PLCL1: variants seen among roughly 807,000 people sequenced by gnomAD.
PLCL1 encodes phospholipase C like 1 (inactive).
A neutral mutation model predicts 84.4 loss-of-function variants in PLCL1; 41 were observed. The observed-to-expected ratio is 0.49, with a 90% CI of 0.38 to 0.63. The LOEUF (loss-of-function observed/expected upper bound fraction) is 0.63. PLCL1 is among the 30% of genes least tolerant of loss of function. The probability of loss-of-function intolerance (pLI) is 0.00; values close to 1 mark genes in which losing one functional copy is unlikely to be tolerated. For synonymous variants in PLCL1, 490 were observed against 488.3 expected (o/e 1.00, Z -0.05); for missense variants, 1,206 against 1,367.8 (o/e 0.88, Z 1.87).
At chr2:197,859,610 T>C (rs981969230) in intron 1 of PLCL1, among the ~76,000 whole-genome samples, 8 of 152,100 alleles carry the variant, frequency 5.3e-5, no homozygotes. Flanking sequence ...GCTGAAAAAT[T>C]TCTATGGTCT....
chr2:197,842,344 G>A (rs188971718), intron 1 of PLCL1, among the ~76,000 whole-genome samples: 3 of 152,158 alleles, frequency 2.0e-5, no homozygotes, highest in African/African-American at 7.2e-5. Context: ...CTTCTCTGGA[G>A]GCTGGTGGAC....
chr2:198,103,283 T>G (rs897925249), intron 4 of PLCL1, among the ~76,000 whole-genome samples: 1 of 152,014 alleles, frequency 6.6e-6, no homozygotes, highest in Non-Finnish European at 1.5e-5. Context: ...TATTAAAATT[T>G]TTTTTAATTT....
intron 5 of PLCL1, among the ~76,000 whole-genome samples, chr2:198,109,504 GA>G (rs1405663473): frequency 6.6e-6 from 1 of 151,850 alleles, no homozygotes; most frequent in Non-Finnish European, 1.5e-5. Flanking sequence ...AAGGCTTTCA[GA>G]AAGGGATACT....
intron 1 of PLCL1, among the ~76,000 whole-genome samples, chr2:198,012,305 C>T (rs1690886524): frequency 6.6e-6 from 1 of 152,064 alleles, no homozygotes; most frequent in Non-Finnish European, 1.5e-5. Flanking sequence ...AGGAACAGAG[C>T]CCAAGCTGTT....
intron 1 of PLCL1, among the ~76,000 whole-genome samples, chr2:198,062,362 T>C (rs757498205): frequency 3.3e-5 from 5 of 152,210 alleles, no homozygotes; most frequent in Non-Finnish European, 7.3e-5. Context: ...AAAGCTTCTT[T>C]ATTAACTTCT....
At chr2:197,912,100 AG>A (rs1169467872) in intron 1 of PLCL1, among the ~76,000 whole-genome samples, 2 of 152,176 alleles carry the variant, frequency 1.3e-5, no homozygotes, top group Non-Finnish European at 2.9e-5. Context: ...CTATCACACG[AG>A]GTGATGGCTG....
chr2:198,027,415 A>G (rs955573407), intron 1 of PLCL1, among the ~76,000 whole-genome samples: 2 of 152,202 alleles, frequency 1.3e-5, no homozygotes, highest in Non-Finnish European at 2.9e-5. Flanking sequence ...GAAAACGTTC[A>G]AGAGACCCAT....
At chr2:197,846,108 G>A (rs1195498850) in intron 1 of PLCL1, among the ~76,000 whole-genome samples, 1 of 152,136 alleles carries the variant, frequency 6.6e-6, no homozygotes, top group African/African-American at 2.4e-5. Context: ...TGAAAGTACT[G>A]TTCGGAACTA....
intron 2 of PLCL1, 50 bp downstream of exon 2, chr2:198,086,282 C>A: frequency 1.6e-6 from 2 of 1,244,966 alleles, no homozygotes; most frequent in South Asian, 1.4e-5. Context: ...TATTCCTACC[C>A]GTATAATGTT....
intron 3 of PLCL1, among the ~76,000 whole-genome samples, chr2:198,093,420 T>C (rs1312028850): frequency 2.6e-5 from 4 of 152,156 alleles, no homozygotes; most frequent in Non-Finnish European, 5.9e-5. Flanking sequence ...CTCTGTACTT[T>C]CCATTTACTT....
intron 1 of PLCL1, among the ~76,000 whole-genome samples, chr2:197,890,785 T>C (rs755310255): frequency 1.9e-4 from 28 of 145,918 alleles, no homozygotes; most frequent in Non-Finnish European, 3.7e-4. Context: ...TATATATGTA[T>C]ATATGTATAT....
intron 5 of PLCL1, among the ~76,000 whole-genome samples, chr2:198,139,251 G>A (rs1694328358): frequency 6.6e-6 from 1 of 152,132 alleles, no homozygotes. Context: ...TTTCCACAGT[G>A]AGGGTTTGTA....
chr2:198,124,245 C>T (rs1693936944), intron 5 of PLCL1, among the ~76,000 whole-genome samples: 1 of 152,118 alleles, frequency 6.6e-6, no homozygotes, highest in African/African-American at 2.4e-5. Context: ...ATTTCACTAG[C>T]TTATCGCTCA....
intron 1 of PLCL1, among the ~76,000 whole-genome samples, chr2:197,973,855 G>T (rs1289632060): frequency 6.6e-6 from 1 of 152,200 alleles, no homozygotes; most frequent in Non-Finnish European, 1.5e-5. Context: ...AGAATGATAG[G>T]CCCTGATTTG....
chr2:198,134,937 G>A (rs1311208666), intron 5 of PLCL1, among the ~76,000 whole-genome samples: 1 of 152,160 alleles, frequency 6.6e-6, no homozygotes, highest in African/African-American at 2.4e-5. Context: ...TTACTTTTTG[G>A]ACGGATCAAG....
At chr2:197,923,513 C>T (rs1362054820) in intron 1 of PLCL1, among the ~76,000 whole-genome samples, 1 of 143,976 alleles carries the variant, frequency 6.9e-6, no homozygotes, top group Non-Finnish European at 1.5e-5. Flanking sequence ...TCCTCACATC[C>T]CAGATGGGGC....
At chr2:197,923,650 C>G (rs1345476842) in intron 1 of PLCL1, among the ~76,000 whole-genome samples, 1 of 149,264 alleles carries the variant, frequency 6.7e-6, no homozygotes, top group African/African-American at 2.5e-5. Flanking sequence ...GGCGGCCGGG[C>G]GCAGACGCTC....
intron 5 of PLCL1, among the ~76,000 whole-genome samples, chr2:198,126,140 G>T (rs1051840516): frequency 6.6e-6 from 1 of 151,964 alleles, no homozygotes; most frequent in Non-Finnish European, 1.5e-5. Flanking sequence ...ATTTTTCTTT[G>T]ATTAGTTTCC....
chr2:198,009,186 T>C (rs1384404210), intron 1 of PLCL1, among the ~76,000 whole-genome samples: 1 of 152,036 alleles, frequency 6.6e-6, no homozygotes, highest in East Asian at 1.9e-4. Flanking sequence ...AAAAAGTTTT[T>C]GTGTCATTCC....
Sources: allele counts gnomAD v4.1 joint callset (sites outside exome capture counted in the v4.1 genomes callset), GRCh38; gene constraint gnomAD v4.1.1; transcripts MANE v1.5; gene names NCBI Gene and HGNC (gene_info 2026-07-23, HGNC 2026-07-21).